The following PRDM6 variants were observed in gnomAD, a reference collection of about 807,000 sequenced individuals.
The protein encoded by PRDM6 is putative histone-lysine N-methyltransferase PRDM6.
In PRDM6, 25 loss-of-function variants were observed where a neutral mutation model predicts 60.8. The observed-to-expected ratio is 0.41, with a 90% confidence interval of 0.30 to 0.57. PRDM6 has a LOEUF of 0.57. PRDM6 is among the 20% of genes least tolerant of loss of function. The pLI is 0.27. For missense variants in PRDM6, 839 were observed against 821.3 expected (o/e 1.02, Z -0.26); for synonymous variants, 407 against 357.4 (o/e 1.14, Z -1.57).
chr5:123,175,371 T>A (rs940223818), intron 6 of PRDM6, among the ~76,000 whole-genome samples: 18 of 152,168 alleles, frequency 1.2e-4, no homozygotes, highest in African/African-American at 4.1e-4. Context: ...TTGTAAGAGA[T>A]GTGGTGGGAT....
At chr5:123,123,700 C>T (rs1206393682) in intron 3 of PRDM6, among the ~76,000 whole-genome samples, 1 of 152,198 alleles carries the variant, frequency 6.6e-6, no homozygotes. Context: ...TCTCGTTCCT[C>T]CCATGCAAAC....
At chr5:123,162,282 T>C (rs1313226611) in intron 5 of PRDM6, among the ~76,000 whole-genome samples, 2 of 152,144 alleles carry the variant, frequency 1.3e-5, no homozygotes, top group Non-Finnish European at 2.9e-5. Flanking sequence ...GAGTAGAGCA[T>C]TTTTGGGTCT....
chr5:123,179,134 G>C (rs906339505), intron 6 of PRDM6, among the ~76,000 whole-genome samples: 2 of 152,200 alleles, frequency 1.3e-5, no homozygotes, highest in Non-Finnish European at 2.9e-5. Context: ...TTCTGCTTAA[G>C]TAAGCAGAAG....
chr5:123,182,253 G>A (rs566326188), intron 7 of PRDM6, among the ~76,000 whole-genome samples: 8 of 152,282 alleles, frequency 5.3e-5, no homozygotes, highest in Non-Finnish European at 8.8e-5. Flanking sequence ...CCTGAGCCCC[G>A]TAGGGTTCCT....
rs963337273 is a variant in PRDM6, at chr5:123,187,189, C to T, written c.1776C>T (p.Ile592=). 28 of 1,549,818 alleles carry T rather than the reference C, an allele frequency of 1.8e-5. No individual in the cohort carries two copies. Among genetic ancestry groups the T allele is most frequent in the African/African-American group, 2.7e-5 (2 of 73,120 alleles). Residue 592 remains isoleucine (I), a synonymous_variant, in exon 8 of 8, where the codon ATC becomes ATT. Transcript: ENST00000407847. ...CAATAACTGAGAGCCCAGAATCAAT[C>T]GAAGTGGATTAACGGATTGACTGGT... ...CKPITESPES[I]EVD is the part of the protein sequence containing the mutation.
intron 3 of PRDM6, among the ~76,000 whole-genome samples, chr5:123,104,579 TTA>T (rs1451086469): frequency 6.6e-6 from 1 of 152,178 alleles, no homozygotes; most frequent in African/African-American, 2.4e-5. Flanking sequence ...TTTCAGCAAT[TTA>T]TCATTTAATA....
intron 3 of PRDM6, among the ~76,000 whole-genome samples, chr5:123,151,727 C>CT (rs1765373496): frequency 6.9e-5 from 1 of 14,502 alleles, no homozygotes; most frequent in Non-Finnish European, 1.9e-4. Flanking sequence ...GAGGCCTTAT[C>CT]TACTGGAGGA....
intron 3 of PRDM6, among the ~76,000 whole-genome samples, chr5:123,110,862 G>A (rs919823374): frequency 2.0e-5 from 3 of 152,012 alleles, no homozygotes; most frequent in Admixed American, 2.0e-4. Context: ...ACCACGTCCG[G>A]CAGTTTTTAC....
intron 3 of PRDM6, among the ~76,000 whole-genome samples, chr5:123,129,334 T>TTGGTAGC (rs1764767406): frequency 6.6e-6 from 1 of 152,202 alleles, no homozygotes; most frequent in Admixed American, 6.5e-5. Flanking sequence ...TAGCATTGAA[T>TTGGTAGC]CTATATATTA....
intron 6 of PRDM6, among the ~76,000 whole-genome samples, chr5:123,178,027 G>A (rs565409656): frequency 6.6e-6 from 1 of 152,018 alleles, no homozygotes; most frequent in Non-Finnish European, 1.5e-5. Flanking sequence ...TTTAGAATCC[G>A]ATTTGCCTTC....
At chr5:123,175,852 A>G (rs1212091139) in intron 6 of PRDM6, among the ~76,000 whole-genome samples, 2 of 152,246 alleles carry the variant, frequency 1.3e-5, no homozygotes, top group Non-Finnish European at 2.9e-5. Context: ...TACAGATTAA[A>G]AGCAAATGAA....
At chr5:123,173,418 A>G (rs1404409590) in intron 6 of PRDM6, 1 of 167,016 alleles carries the variant, frequency 6.0e-6, no homozygotes, top group Non-Finnish European at 1.5e-5. Context: ...CTGTCTTATC[A>G]TGGACCCTGA....
chr5:123,152,770 A>G (rs1438163496), intron 3 of PRDM6, among the ~76,000 whole-genome samples: 1 of 152,216 alleles, frequency 6.6e-6, no homozygotes, highest in East Asian at 1.9e-4. Context: ...ATTTTGTGCA[A>G]GGAAAATAAG....
At chr5:123,166,224 T>G (rs10067127) in intron 5 of PRDM6, among the ~76,000 whole-genome samples, 1 of 151,936 alleles carries the variant, frequency 6.6e-6, no homozygotes, top group Non-Finnish European at 1.5e-5. Flanking sequence ...TTTAGTGCCC[T>G]GAGCTCCTTC....
chr5:123,126,436 CAG>C (rs1278564212), intron 3 of PRDM6, among the ~76,000 whole-genome samples: 1 of 149,620 alleles, frequency 6.7e-6, no homozygotes, highest in African/African-American at 2.5e-5. Flanking sequence ...TCCTTAATAA[CAG>C]AGGGCCAGGA....
intron 3 of PRDM6, among the ~76,000 whole-genome samples, chr5:123,121,112 C>T (rs1459986305): frequency 5.3e-5 from 8 of 152,032 alleles, no homozygotes; most frequent in Non-Finnish European, 1.2e-4. Context: ...TGCAAAAGAG[C>T]AGGGTCCTGA....
rs1024096871 is a variant in PRDM6, at chr5:123,189,168, C to T, written c.*1967C>T. The T allele has an allele frequency of 8.5e-5, 13 of 152,096 alleles. No homozygotes were observed. Among genetic ancestry groups the T allele is most frequent in the African/African-American group, 2.2e-4 (9 of 41,434 alleles). The allele number at this position is 152,096 out of a possible 1,614,324, so 9.4% of individuals were successfully genotyped here. On this transcript the variant is annotated 3_prime_UTR_variant, in exon 8 of 8. Transcript: ENST00000407847. Reference sequence around the variant, plus strand: ...AATTCCCTGCCCTAAGTGATGGATACGTTTGCAAACAATGTGCGTCACTGG... The same window carrying T: ...AATTCCCTGCCCTAAGTGATGGATATGTTTGCAAACAATGTGCGTCACTGG...
intron 3 of PRDM6, among the ~76,000 whole-genome samples, chr5:123,143,924 T>C (rs1379108352): frequency 6.6e-6 from 1 of 152,214 alleles, no homozygotes; most frequent in Non-Finnish European, 1.5e-5. Context: ...CTACAGGCAG[T>C]GTGGTCCAGT....
chr5:123,171,003 A>G lies in PRDM6; in HGVS notation c.1391A>G (p.His464Arg), dbSNP rs1320303978. Reference protein sequence around the residue: ...LASPTSTSQLHSEFSDWHLWK... With the variant: ...LASPTSTSQLRSEFSDWHLWK... ...AGCCCAACTTCCACAAGCCAGCTCC[A>G]CTCGGAGTTCAGTGACTGGCATCTT... The change falls in exon 6 of 8, where the codon CAC (histidine) becomes CGC (arginine). Residue 464 changes from histidine (H) to arginine (R), a missense_variant. By Grantham distance (29) the His-to-Arg change is conservative (BLOSUM62 0). Around this residue, in one of 2 missense-constraint regions of PRDM6, gnomAD observed 730 missense variants for 648.8 expected, o/e 1.13. Transcript: ENST00000407847. 2.9e-5 allele frequency: 45 copies of G among 1,551,740 alleles called. No homozygotes were observed. The highest frequency in any genetic ancestry group is 3.5e-5 in the Non-Finnish European group (40 of 1,147,052).
Sources: gnomAD v4.1 joint callset for allele counts (sites outside exome capture counted in the v4.1 genomes callset) on GRCh38, gnomAD v4.1.1 for gene constraint, gnomAD v4.1.1 regional missense constraint, MANE v1.5 for transcripts, NCBI Gene and HGNC (gene_info 2026-07-23, HGNC 2026-07-21) for gene names.